RIMBP2: variants seen among roughly 807,000 people sequenced by gnomAD.
RIMBP2 encodes the protein RIMS-binding protein 2.
Under a neutral mutation model 118.6 loss-of-function variants are expected in RIMBP2, and 48 were observed. The observed-to-expected ratio is 0.40, with a 90% CI of 0.32 to 0.51. The LOEUF is 0.51. RIMBP2 is among the 20% of genes least tolerant of loss of function. RIMBP2 has a pLI of 0.41. For missense variants in RIMBP2, 1,551 were observed against 1,768.3 expected, an observed-to-expected ratio of 0.88 and a Z score of 2.20; for synonymous variants, 762 against 742.9, an observed-to-expected ratio of 1.03 and a Z score of -0.42.
chr12:130,630,955 GA>G lies in RIMBP2; in HGVS notation c.-351-2500del, dbSNP rs1159939952. Among the ~76,000 whole-genome samples the G allele has an allele frequency of 2.2e-3, 323 of 147,356 alleles. 1 individual carries two copies. The highest frequency in any genetic ancestry group is 7.2e-3 in the African/African-American group (289 of 40,232). On this transcript the variant is annotated intron_variant, in intron 1 of 22. Transcript: ENST00000690449. ...GCTGTGCTGCAGCAAAACAAGTGGGGAAAAAAAAAAGATAAAAGGGAAAGCC... is the reference window on the plus strand; with the variant it reads ...GCTGTGCTGCAGCAAAACAAGTGGGGAAAAAAAAAGATAAAAGGGAAAGCC...
chr12:130,441,300 C>A (rs1163136595), intron 11 of RIMBP2, among the ~76,000 whole-genome samples: 2 of 151,762 alleles, frequency 1.3e-5, no homozygotes, highest in Admixed American at 1.3e-4. Flanking sequence ...ACTCAGGAGG[C>A]TGAGGCAGGA....
At chr12:130,408,620 C>T (rs1289339764) in intron 19 of RIMBP2, among the ~76,000 whole-genome samples, 5 of 152,166 alleles carry the variant, frequency 3.3e-5, no homozygotes, top group Admixed American at 6.5e-5. Context: ...ACTCTCAGGA[C>T]GTAAGGAGGC....
intron 2 of RIMBP2, among the ~76,000 whole-genome samples, chr12:130,598,262 C>T (rs542338177): frequency 1.2e-4 from 19 of 152,186 alleles, no homozygotes; most frequent in East Asian, 7.7e-4. Flanking sequence ...AGATATCTTG[C>T]GTTTGTGGAT....
chr12:130,653,428 C>T (rs2136286471), intron 1 of RIMBP2, among the ~76,000 whole-genome samples: 1 of 152,382 alleles, frequency 6.6e-6, no homozygotes, highest in South Asian at 2.1e-4. Context: ...AAGGGGTAGG[C>T]TCCTGTGGCT....
intron 1 of RIMBP2, among the ~76,000 whole-genome samples, chr12:130,642,939 G>A (rs921811228): frequency 7.2e-5 from 11 of 152,280 alleles, no homozygotes; most frequent in African/African-American, 2.4e-4. Context: ...GCTTCCCTCC[G>A]TGGAGCGCCA....
chr12:130,428,187 C>T lies in RIMBP2; in HGVS notation c.2404G>A (p.Ala802Thr), dbSNP rs1040906921. Residue 802 changes from alanine to threonine, a missense_variant, in exon 15 of 23, where the codon GCC (alanine) becomes ACC (threonine). Coordinates refer to ENST00000690449, the MANE Select transcript of RIMBP2 (RefSeq NM_001393629.1). ...CTTCCCCAGCCACTCACCTTGAGGG[C>T]ATTGTGGGACGTGCCGCTGGGCCGC... ...RRRPSGTSHN[A>T]LKDCTDHRTS... The T allele has an allele frequency of 1.2e-6, 2 of 1,608,544 alleles. No individual in the cohort carries two copies. The highest frequency in any genetic ancestry group is 1.7e-6 in the Non-Finnish European group (2 of 1,177,394).
chr12:130,459,273 C>T (rs2137577172), intron 6 of RIMBP2, among the ~76,000 whole-genome samples: 1 of 151,014 alleles, frequency 6.6e-6, no homozygotes, highest in South Asian at 2.1e-4. Flanking sequence ...CCACCAAATG[C>T]CATACAGCTA....
chr12:130,406,967 G>C (rs1037277735), intron 20 of RIMBP2, among the ~76,000 whole-genome samples: 3 of 152,146 alleles, frequency 2.0e-5, no homozygotes, highest in African/African-American at 7.2e-5. Context: ...CAGTGTCTAC[G>C]ATGGGCCGGG....
intron 4 of RIMBP2, among the ~76,000 whole-genome samples, chr12:130,499,225 C>G (rs983479756): frequency 2.0e-5 from 3 of 152,286 alleles, no homozygotes; most frequent in Admixed American, 2.0e-4. Context: ...CATCTCCCAC[C>G]AGGTCTCTTC....
At position 130,670,116 on chromosome 12, in the gene RIMBP2, AC is replaced by A. The variant is rs1479067930; in HGVS notation, c.-351-41661del. Reference sequence around the variant, plus strand: ...ACACAGAAGAGGAGAGGGTAATGTGACCCCGGGGGCAGACACTGGAGTGATG... The same window carrying A: ...ACACAGAAGAGGAGAGGGTAATGTGACCCGGGGGCAGACACTGGAGTGATG... On this transcript the variant is annotated intron_variant, in intron 1 of 22. Transcript: ENST00000690449. This position sits in a 1 kb window ranked among gnomAD's most constrained non-coding sequence, Gnocchi z 4.9. Among the ~76,000 whole-genome samples, 1 of 151,848 alleles carries A rather than the reference AC, an allele frequency of 6.6e-6. No individual in the cohort carries two copies. Among genetic ancestry groups the A allele is most frequent in the African/African-American group, 2.4e-5 (1 of 41,296 alleles).
At chr12:130,702,276 G>A (rs1258025864) in intron 1 of RIMBP2, among the ~76,000 whole-genome samples, 1 of 152,062 alleles carries the variant, frequency 6.6e-6, no homozygotes, top group Non-Finnish European at 1.5e-5. Flanking sequence ...CAGCACTTTG[G>A]GAGGCCCAGG....
intron 2 of RIMBP2, among the ~76,000 whole-genome samples, chr12:130,541,461 G>A (rs549083027): frequency 2.0e-5 from 3 of 152,208 alleles, no homozygotes; most frequent in Admixed American, 6.5e-5. Context: ...ATGATATTGA[G>A]TGAAGATCAC....
chr12:130,650,261 C>T (rs867357125), intron 1 of RIMBP2, among the ~76,000 whole-genome samples: 1 of 152,076 alleles, frequency 6.6e-6, no homozygotes, highest in Non-Finnish European at 1.5e-5. Context: ...GCCCACCTTC[C>T]CCAGCAGCCA....
chr12:130,438,401 G>A lies in RIMBP2; in HGVS notation c.1620C>T (p.Asn540=), dbSNP rs150063950. ...LTPTGLSNGA[N]VTGYGVYAKG... is the part of the protein sequence containing the mutation. ...TGGCATACACGCCGTAGCCGGTAAC[G>A]TTTGCGCCATTGGACAGCCCGGTGG... Residue 540 remains asparagine, a synonymous_variant, in exon 12 of 23, where the codon AAC becomes AAT. Transcript: ENST00000690449. The A allele has an allele frequency of 3.1e-5, 46 of 1,488,784 alleles. No homozygotes were observed. In the East Asian group the frequency reaches 5.8e-4, roughly 19 times the overall value. The allele number at this position is 1,488,784 out of a possible 1,614,324, so 92.2% of individuals were successfully genotyped here.
intron 4 of RIMBP2, among the ~76,000 whole-genome samples, chr12:130,495,214 A>G (rs950163400): frequency 1.3e-5 from 2 of 152,176 alleles, no homozygotes; most frequent in African/African-American, 4.8e-5. Flanking sequence ...GGCCCTCTAC[A>G]TGCCCTGAAA....
At chr12:130,492,208 G>A (rs1358414102) in intron 4 of RIMBP2, among the ~76,000 whole-genome samples, 1 of 152,188 alleles carries the variant, frequency 6.6e-6, no homozygotes, top group Non-Finnish European at 1.5e-5. Context: ...CAGAAGGAAT[G>A]CAAGCACTCA....
intron 15 of RIMBP2, chr12:130,425,149 C>T (rs865805485): frequency 1.3e-5 from 4 of 303,018 alleles, no homozygotes; most frequent in East Asian, 5.2e-5. Flanking sequence ...GGTGAGATCC[C>T]GGCGGCACAT....
chr12:130,544,452 G>A (rs1264454773), intron 2 of RIMBP2, among the ~76,000 whole-genome samples: 1 of 152,120 alleles, frequency 6.6e-6, no homozygotes, highest in African/African-American at 2.4e-5. Context: ...CCGTAGAGAA[G>A]ACACCACTCG....
chr12:130,572,229 G>A (rs2057728435), intron 2 of RIMBP2, among the ~76,000 whole-genome samples: 1 of 152,220 alleles, frequency 6.6e-6, no homozygotes, highest in African/African-American at 2.4e-5. Flanking sequence ...GTTAGGAGGA[G>A]GGGCCTCCCA....
Sources: allele counts gnomAD v4.1 joint callset (sites outside exome capture counted in the v4.1 genomes callset), GRCh38; gene constraint gnomAD v4.1.1; non-coding constraint Gnocchi (gnomAD v3.1); transcripts MANE v1.5; gene names NCBI Gene and HGNC (gene_info 2026-07-23, HGNC 2026-07-21).